BCHE: variants seen among roughly 807,000 people sequenced by gnomAD.
BCHE encodes the protein butyrylcholinesterase.
A neutral mutation model predicts 51.3 loss-of-function variants in BCHE; 48 were observed. That is an observed-to-expected ratio of 0.94 (90% CI 0.74 to 1.19). BCHE has a LOEUF of 1.19. Ranked by LOEUF, BCHE falls within the 50% of genes most tolerant of loss-of-function variation. The pLI is 0.00. For synonymous variants in BCHE, 251 were observed against 238.0 expected (o/e 1.05, Z -0.50); for missense variants, 847 against 708.2 (o/e 1.20, Z -2.23).
chr3:165,824,616 TC>T (rs1714652266), intron 2 of BCHE, among the ~76,000 whole-genome samples: 2 of 151,928 alleles, frequency 1.3e-5, no homozygotes, highest in African/African-American at 4.8e-5. Context: ...CCCCCATCAT[TC>T]ACAGAAAATA....
At chr3:165,807,910 G>A (rs897962701) in intron 2 of BCHE, among the ~76,000 whole-genome samples, 1 of 152,086 alleles carries the variant, frequency 6.6e-6, no homozygotes, top group Non-Finnish European at 1.5e-5. Context: ...AAAATTGTAT[G>A]CTTAACATTT....
At chr3:165,777,853 A>G (rs1712533075) in intron 3 of BCHE, 1 of 408,234 alleles carries the variant, frequency 2.4e-6, no homozygotes, top group South Asian at 1.8e-5. Flanking sequence ...CTTCCACTCA[A>G]TAAGTAGTAA....
At chr3:165,815,184 T>A (rs1017882923) in intron 2 of BCHE, among the ~76,000 whole-genome samples, 19 of 151,516 alleles carry the variant, frequency 1.3e-4, no homozygotes, top group African/African-American at 4.6e-4. Context: ...GTCAGGCATA[T>A]TACATATAGT....
intron 2 of BCHE, among the ~76,000 whole-genome samples, chr3:165,821,702 G>A (rs1714524151): frequency 6.6e-6 from 1 of 151,752 alleles, no homozygotes; most frequent in Admixed American, 6.6e-5. Flanking sequence ...AAACAAAATT[G>A]ATTCCTTTAG....
chr3:165,815,265 A>C (rs1164002451), intron 2 of BCHE, among the ~76,000 whole-genome samples: 1 of 147,462 alleles, frequency 6.8e-6, no homozygotes, highest in Admixed American at 6.9e-5. Flanking sequence ...AAAAAAAATA[A>C]GGGCAAAGGA....
Position 165,830,515 on chromosome 3 carries a change from G to GT in BCHE, c.518dup (p.Asn173LysfsTer3), listed in dbSNP as rs1352686525. 6.8e-6 allele frequency: 11 copies of GT among 1,613,758 alleles called. No homozygotes were observed. Among genetic ancestry groups the GT allele is most frequent in the Non-Finnish European group, 9.3e-6 (11 of 1,179,918 alleles). ...AGAATCCTAGGGCACCCACCCTATA[G>GT]TTCATTGACACTACAATAACTCTTT... On this transcript the variant is annotated frameshift_variant, in exon 2 of 4. Transcript: ENST00000264381. LOFTEE classifies it high-confidence loss of function.
intron 2 of BCHE, among the ~76,000 whole-genome samples, chr3:165,799,220 G>T (rs1344901920): frequency 6.6e-6 from 1 of 152,040 alleles, no homozygotes; most frequent in African/African-American, 2.4e-5. Context: ...CCTTCCAAAT[G>T]GCACAGATTT....
At chr3:165,791,269 T>C (rs1249016875) in intron 2 of BCHE, among the ~76,000 whole-genome samples, 1 of 145,976 alleles carries the variant, frequency 6.9e-6, no homozygotes, top group Non-Finnish European at 1.5e-5. Context: ...CACTGCAGAC[T>C]GGGTGACAGA....
chr3:165,777,173 C>A (rs1712503884), intron 3 of BCHE, among the ~76,000 whole-genome samples: 1 of 151,752 alleles, frequency 6.6e-6, no homozygotes, highest in Non-Finnish European at 1.5e-5. Flanking sequence ...AGAGAAATAT[C>A]TTCATTCTTG....
chr3:165,824,356 A>C (rs79993968), intron 2 of BCHE, among the ~76,000 whole-genome samples: 265 of 152,136 alleles, frequency 1.7e-3, no homozygotes, highest in African/African-American at 6.2e-3. Flanking sequence ...AGCATTTGTC[A>C]CAATTTAATA....
At chr3:165,803,532 C>A (rs531756493) in intron 2 of BCHE, among the ~76,000 whole-genome samples, 1 of 152,158 alleles carries the variant, frequency 6.6e-6, no homozygotes, top group African/African-American at 2.4e-5. Flanking sequence ...ATCCAATTCC[C>A]AGACTATATT....
chr3:165,807,197 A>G (rs1267869342), intron 2 of BCHE, among the ~76,000 whole-genome samples: 1 of 152,012 alleles, frequency 6.6e-6, no homozygotes, highest in African/African-American at 2.4e-5. Flanking sequence ...TTATAAGTTC[A>G]TTGCAAAAAC....
chr3:165,811,056 A>G (rs1013027516), intron 2 of BCHE, among the ~76,000 whole-genome samples: 8 of 152,144 alleles, frequency 5.3e-5, no homozygotes, highest in Non-Finnish European at 1.2e-4. Context: ...GCATTACCTA[A>G]TTGATATTTA....
chr3:165,836,129 TACAA>T (rs1715180436), intron 1 of BCHE, among the ~76,000 whole-genome samples: 1 of 151,684 alleles, frequency 6.6e-6, no homozygotes, highest in South Asian at 2.1e-4. Flanking sequence ...ACTAGGACAA[TACAA>T]ACAAACAACA....
chr3:165,786,095 T>A, intron 3 of BCHE, 50 bp downstream of exon 3: 2 of 1,571,860 alleles, frequency 1.3e-6, no homozygotes, highest in Non-Finnish European at 1.7e-6. Context: ...CATCCCTTTT[T>A]TACATAACCC....
At chr3:165,812,622 A>T (rs958117707) in intron 2 of BCHE, among the ~76,000 whole-genome samples, 8 of 151,266 alleles carry the variant, frequency 5.3e-5, no homozygotes, top group Non-Finnish European at 8.8e-5. Context: ...ATAGAAAAAT[A>T]AAAAAAAGAA....
In BCHE at chr3:165,829,720, T is replaced by C. The variant is rs1446750406; in HGVS notation, c.1314A>G (p.Ser438=). The change falls in exon 2 of 4, where the codon TCA becomes TCG. Residue 438 remains serine, a synonymous_variant. Transcript: ENST00000264381. ...CPALEFTKKF[S]EWGNNAFFYY... ...AGAAAAAGGCATTATTTCCCCATTC[T>C]GAGAACTTCTTGGTGAACTCCAAGG... 1.2e-6 allele frequency: 2 copies of C among 1,613,838 alleles called. No individual in the cohort carries two copies. Among genetic ancestry groups the C allele is most frequent in the Non-Finnish European group, 1.7e-6 (2 of 1,179,928 alleles).
chr3:165,830,573 T>A lies in BCHE; in HGVS notation c.461A>T (p.His154Leu). ...GGFQTGTSSL[H>L]VYDGKFLARV... ...AGCCAGAAACTTGCCATCATAAACA[T>A]GTAAAGATGATGTTCCAGTTTGAAA... Residue 154 changes from histidine (H) to leucine (L), a missense_variant, in exon 2 of 4, where the codon CAT becomes CTT. His to Leu is a moderately conservative substitution (Grantham distance 99). Coordinates refer to ENST00000264381, the MANE Select transcript of BCHE (RefSeq NM_000055.4). 6.2e-7 allele frequency: 1 copy of A among 1,613,966 alleles called. No individual in the cohort carries two copies. The highest frequency in any genetic ancestry group is 8.5e-7 in the Non-Finnish European group (1 of 1,179,936).
intron 2 of BCHE, among the ~76,000 whole-genome samples, chr3:165,796,447 A>T (rs1260672454): frequency 6.6e-6 from 1 of 152,188 alleles, no homozygotes; most frequent in African/African-American, 2.4e-5. Flanking sequence ...TTATTACTAG[A>T]TCCTAATGAA....
Sources: gnomAD v4.1 joint callset for allele counts (sites outside exome capture counted in the v4.1 genomes callset) on GRCh38, gnomAD v4.1.1 for gene constraint, MANE v1.5 for transcripts, NCBI Gene and HGNC (gene_info 2026-07-23, HGNC 2026-07-21) for gene names.